SLC25A26: variants seen among roughly 807,000 people sequenced by gnomAD.
SLC25A26 encodes solute carrier family 25 member 26.
A neutral mutation model predicts 37.8 loss-of-function variants in SLC25A26; 36 were observed. The ratio of observed to expected loss-of-function variants is 0.95; its 90% CI spans 0.73 to 1.26. SLC25A26 has a LOEUF of 1.26. SLC25A26 is among the 50% of genes most tolerant of loss of function. The pLI is 0.00. For missense variants in SLC25A26, 390 were observed against 331.1 expected, an observed-to-expected ratio of 1.18 and a Z score of -1.38; for synonymous variants, 129 against 122.5, an observed-to-expected ratio of 1.05 and a Z score of -0.35.
intron 5 of SLC25A26, among the ~76,000 whole-genome samples, chr3:66,312,779 C>T (rs72902945): frequency 0.011 from 1,628 of 152,236 alleles, 27 homozygotes; most frequent in African/African-American, 0.036. Flanking sequence ...TAGTGCTTCT[C>T]GGGTGAGGCA....
At chr3:66,137,371 G>T (rs2069962760) in intron 1 of SLC25A26, among the ~76,000 whole-genome samples, 1 of 151,302 alleles carries the variant, frequency 6.6e-6, no homozygotes, top group Non-Finnish European at 1.5e-5. Flanking sequence ...GGATTACAGG[G>T]GCCTGCCACC....
intron 6 of SLC25A26, among the ~76,000 whole-genome samples, chr3:66,359,616 G>A (rs1413314220): frequency 2.0e-5 from 3 of 152,160 alleles, no homozygotes; most frequent in African/African-American, 7.2e-5. Flanking sequence ...TGAAGTAAAT[G>A]TTGGTGTTAA....
intron 1 of SLC25A26, among the ~76,000 whole-genome samples, chr3:66,225,468 G>T (rs946739721): frequency 2.0e-5 from 3 of 152,152 alleles, no homozygotes; most frequent in Non-Finnish European, 4.4e-5. Context: ...CAGCAAGGGG[G>T]CCCTGGACCC....
chr3:66,313,586 T>C (rs769056943), intron 5 of SLC25A26, among the ~76,000 whole-genome samples: 1 of 152,206 alleles, frequency 6.6e-6, no homozygotes, highest in African/African-American at 2.4e-5. Context: ...TTGCTTAGGA[T>C]TGTCTTGGCT....
chr3:66,318,352 GGGAAAAGCAT>G (rs1222830492), intron 5 of SLC25A26, among the ~76,000 whole-genome samples: 1 of 152,168 alleles, frequency 6.6e-6, no homozygotes, highest in Non-Finnish European at 1.5e-5. Context: ...AAGAATCTGT[GGGAAAAGCAT>G]GGCTTTCAGG....
At chr3:66,205,979 G>A (rs1005366021) in intron 1 of SLC25A26, among the ~76,000 whole-genome samples, 3 of 152,174 alleles carry the variant, frequency 2.0e-5, no homozygotes, top group Non-Finnish European at 4.4e-5. Flanking sequence ...AATAGAGCAG[G>A]TTAGTGCTGT....
At chr3:66,226,774 C>G (rs543136040) in intron 1 of SLC25A26, among the ~76,000 whole-genome samples, 1 of 132,476 alleles carries the variant, frequency 7.5e-6, no homozygotes, top group East Asian at 2.0e-4. Context: ...GTTGTTCTTA[C>G]AGTTTTTAGA....
intron 1 of SLC25A26, among the ~76,000 whole-genome samples, chr3:66,168,737 T>C (rs996138754): frequency 1.3e-5 from 2 of 152,194 alleles, no homozygotes; most frequent in Admixed American, 1.3e-4. Flanking sequence ...ATAGAGGTAG[T>C]TTGGGGCTGT....
intron 1 of SLC25A26, among the ~76,000 whole-genome samples, chr3:66,233,542 A>G (rs537606713): frequency 3.2e-4 from 49 of 152,208 alleles, no homozygotes; most frequent in Non-Finnish European, 6.3e-4. Flanking sequence ...AGTTCTTTAT[A>G]ATTAGGTTGT....
chr3:66,268,695 C>G (rs1276357997), intron 5 of SLC25A26, among the ~76,000 whole-genome samples: 2 of 152,198 alleles, frequency 1.3e-5, no homozygotes, highest in African/African-American at 4.8e-5. Context: ...TGGTTTGGCT[C>G]TGTGTCCCCA....
chr3:66,319,618 A>C (rs985581066), intron 5 of SLC25A26, among the ~76,000 whole-genome samples: 7 of 152,038 alleles, frequency 4.6e-5, no homozygotes, highest in Admixed American at 2.6e-4. Context: ...TTATTGTCTA[A>C]TCTTCCATTA....
intron 6 of SLC25A26, among the ~76,000 whole-genome samples, chr3:66,347,927 A>AGAAT (rs1196175024): frequency 6.6e-6 from 1 of 152,212 alleles, no homozygotes; most frequent in Admixed American, 6.5e-5. Flanking sequence ...CTGAGCAAGG[A>AGAAT]GAATACATGG....
rs534676319 is a variant in SLC25A26 at position 66,237,622 on chromosome 3, T to C, written c.190+922T>C. 6.4e-4 allele frequency among the ~76,000 whole-genome samples: 98 copies of C among 152,402 alleles called. No individual in the cohort carries two copies. In the Middle Eastern group the frequency reaches 0.01, roughly 16 times the overall value. Reference sequence around the variant, plus strand: ...TTTGGTTCTGAAGTCATGTGACTTATGACGCTCTTACTCTTTAGTCAATGT... The same window carrying C: ...TTTGGTTCTGAAGTCATGTGACTTACGACGCTCTTACTCTTTAGTCAATGT... On this transcript the variant is annotated intron_variant, in intron 2 of 9. Coordinates refer to ENST00000354883, the MANE Select transcript of SLC25A26 (RefSeq NM_001379210.1).
At chr3:66,141,259 C>G (rs1008009981) in intron 1 of SLC25A26, among the ~76,000 whole-genome samples, 2 of 150,764 alleles carry the variant, frequency 1.3e-5, no homozygotes, top group African/African-American at 2.4e-5. Context: ...CAATAATTAC[C>G]AAATATTTTT....
At chr3:66,355,375 G>A (rs2076551994) in intron 6 of SLC25A26, among the ~76,000 whole-genome samples, 1 of 152,034 alleles carries the variant, frequency 6.6e-6, no homozygotes, top group South Asian at 2.1e-4. Context: ...GATGCTGCTT[G>A]CACATCCCAG....
intron 1 of SLC25A26, among the ~76,000 whole-genome samples, chr3:66,210,796 A>C (rs1470480462): frequency 6.7e-6 from 1 of 149,234 alleles, no homozygotes; most frequent in Admixed American, 6.8e-5. Context: ...TTACAAGCGC[A>C]AGCTACTGCG....
intron 1 of SLC25A26, among the ~76,000 whole-genome samples, chr3:66,175,000 G>A (rs371999107): frequency 1.3e-5 from 2 of 150,728 alleles, no homozygotes; most frequent in South Asian, 2.1e-4. Flanking sequence ...TGGGCATAAT[G>A]GTGGTTTGCA....
intron 1 of SLC25A26, among the ~76,000 whole-genome samples, chr3:66,159,523 A>G (rs746407802): frequency 7.9e-5 from 12 of 152,218 alleles, no homozygotes; most frequent in Non-Finnish European, 1.6e-4. Flanking sequence ...GGCCTTATTG[A>G]TGAACCAATA....
At chr3:66,246,745 A>T (rs781954074) in intron 3 of SLC25A26, among the ~76,000 whole-genome samples, 1 of 152,146 alleles carries the variant, frequency 6.6e-6, no homozygotes, top group South Asian at 2.1e-4. Context: ...TATAGTTGCT[A>T]TGGAGCTGGG....
Sources: allele counts gnomAD v4.1 joint callset (sites outside exome capture counted in the v4.1 genomes callset), GRCh38; gene constraint gnomAD v4.1.1; transcripts MANE v1.5; gene names NCBI Gene and HGNC (gene_info 2026-07-23, HGNC 2026-07-21).